Variants in OVOL1 observed in about 807,000 individuals in gnomAD.
The protein encoded by OVOL1 is putative transcription factor Ovo-like 1.
A neutral mutation model predicts 21.5 loss-of-function variants in OVOL1; 10 were observed. The ratio of observed to expected loss-of-function variants is 0.46; its 90% CI spans 0.29 to 0.79. The LOEUF (loss-of-function observed/expected upper bound fraction) is 0.79, where lower values mean the gene tolerates loss of function less well. Ranked by LOEUF, OVOL1 falls within the 30% of genes least tolerant of loss-of-function variation. The pLI is 0.10. For synonymous variants in OVOL1, 129 were observed against 150.3 expected (o/e 0.86, Z 1.03); for missense variants, 279 against 362.3 (o/e 0.77, Z 1.87).
At chr11:65,793,286 A>G (rs959645296) in intron 1 of OVOL1, among the ~76,000 whole-genome samples, 10 of 152,144 alleles carry the variant, frequency 6.6e-5, no homozygotes, top group African/African-American at 1.9e-4. Context: ...AAGGGCTGCC[A>G]GGTATCGGTG....
intron 1 of OVOL1, chr11:65,790,068 G>A (rs1235140263): frequency 6.7e-5 from 2 of 29,998 alleles, no homozygotes; most frequent in Non-Finnish European, 1.6e-4. Flanking sequence ...CCCTCCCCTC[G>A]CCTTCCTTTG....
At position 65,795,677 on chromosome 11, in the gene OVOL1, A is replaced by C. The variant is rs1591003693; in HGVS notation, c.*336A>C. The C allele has an allele frequency of 2.6e-6, 1 of 381,836 alleles. No individual in the cohort carries two copies. The highest frequency in any genetic ancestry group is 4.9e-6 in the Non-Finnish European group (1 of 205,382). The allele number at this position is 381,836 out of a possible 1,614,324, so 23.7% of individuals were successfully genotyped here. On this transcript the variant is annotated 3_prime_UTR_variant, in exon 4 of 4. Coordinates refer to ENST00000335987, the MANE Select transcript of OVOL1 (RefSeq NM_004561.4). This position sits in a 1 kb window ranked among gnomAD's most constrained non-coding sequence, Gnocchi z 5.7. The stretch of plus-strand genomic sequence containing the variant: ...TGTGTGCCTGGCAGCAGGACTTCCT[A>C]CCCAGAGGAGGTTCGAGCTAGGATC...
intron 1 of OVOL1, chr11:65,790,398 G>A (rs1036845917): frequency 6.6e-6 from 1 of 152,280 alleles, no homozygotes; most frequent in Non-Finnish European, 1.5e-5. Context: ...CTCGCCTGGT[G>A]GACACTCGAG....
chr11:65,789,219 C>T (rs1240768285), intron 1 of OVOL1: 2 of 321,204 alleles, frequency 6.2e-6, no homozygotes, highest in African/African-American at 4.5e-5. Context: ...TGCCACACTT[C>T]CAGTGGCCAC....
chr11:65,787,254 CT>C lies in OVOL1; in HGVS notation c.-118del. On this transcript the variant is annotated 5_prime_UTR_variant, in exon 1 of 4. Coordinates refer to ENST00000335987, the MANE Select transcript of OVOL1 (RefSeq NM_004561.4). ...GACCTTCCCCGGAACGTGGGGGCGCCTTAGCGACTCCTTCCCTGTTGTGCCC... is the reference window on the plus strand; with the variant it reads ...GACCTTCCCCGGAACGTGGGGGCGCCTAGCGACTCCTTCCCTGTTGTGCCC... 1 of 776,560 alleles carries C rather than the reference CT, an allele frequency of 1.3e-6. No individual in the cohort carries two copies. The allele number at this position is 776,560 out of a possible 1,614,324, so 48.1% of individuals were successfully genotyped here.
At chr11:65,793,994 C>G in intron 1 of OVOL1, 37 bp from the exon 2 acceptor site, 1 of 1,561,682 alleles carries the variant, frequency 6.4e-7, no homozygotes, top group South Asian at 1.1e-5. Flanking sequence ...ACCCTCTCTT[C>G]TCCACCAAGC....
At position 65,795,948 on chromosome 11, in the gene OVOL1, G is replaced by A. The variant is rs1858124627; in HGVS notation, c.*607G>A. 1 of 155,228 alleles carries A rather than the reference G, an allele frequency of 6.4e-6. No individual in the cohort carries two copies. The highest frequency in any genetic ancestry group is 2.0e-4 in the South Asian group (1 of 5,014). 9.6% of individuals were successfully genotyped at this position (155,228 alleles called of 1,614,324 possible). On this transcript the variant is annotated 3_prime_UTR_variant, in exon 4 of 4. Transcript: ENST00000335987. This position sits in a 1 kb window ranked among gnomAD's most constrained non-coding sequence, Gnocchi z 5.7. ...TGTGTGTGTGCACTGCTGTGTGTGT[G>A]TGCACGCACAGGAAGCCTTTCCACA... is the stretch of plus-strand genomic sequence containing the variant.
chr11:65,787,520 G>C (rs913990930), intron 1 of OVOL1, 47 bp downstream of exon 1: 2 of 1,275,270 alleles, frequency 1.6e-6, no homozygotes, highest in Non-Finnish European at 2.1e-6. Flanking sequence ...CGGCGGCGTC[G>C]AGGCTGCGGG....
intron 1 of OVOL1, chr11:65,788,518 T>C: frequency 1.0e-6 from 1 of 985,234 alleles, no homozygotes; most frequent in Non-Finnish European, 1.2e-6. Flanking sequence ...TGACCCTTGA[T>C]CTGCAGACTC....
Position 65,797,041 on chromosome 11 carries a change from G to A in OVOL1, c.*1700G>A, listed in dbSNP as rs758119521. The stretch of plus-strand genomic sequence containing the variant: ...TTTCACTTGACTTTAGAGTGTCTGG[G>A]ACGCTGCTGTATTCTGAAAGTCACA... On this transcript the variant is annotated 3_prime_UTR_variant, in exon 4 of 4. Coordinates refer to ENST00000335987, the MANE Select transcript of OVOL1 (RefSeq NM_004561.4). 15 of 152,314 alleles carry A rather than the reference G, an allele frequency of 9.8e-5. No homozygotes were observed. In the East Asian group the frequency reaches 2.3e-3, roughly 24 times the overall value. 9.4% of individuals were successfully genotyped at this position (152,314 alleles called of 1,614,324 possible).
intron 1 of OVOL1, among the ~76,000 whole-genome samples, chr11:65,793,291 T>TCGGTGCTGC (rs1191411337): frequency 6.6e-6 from 1 of 152,172 alleles, no homozygotes; most frequent in Admixed American, 6.5e-5. Flanking sequence ...CTGCCAGGTA[T>TCGGTGCTGC]CGGTGCTGCC....
intron 1 of OVOL1, 142 bp from the exon 2 acceptor site, chr11:65,793,889 G>A: frequency 1.5e-6 from 1 of 651,852 alleles, no homozygotes. Context: ...TGGTGGTCGG[G>A]GCAGCCCCGC....
intron 1 of OVOL1, chr11:65,788,938 C>A: frequency 3.0e-6 from 3 of 986,600 alleles, no homozygotes; most frequent in Non-Finnish European, 3.6e-6. Context: ...GGTGGGGGCA[C>A]GCAGAGGGCC....
intron 1 of OVOL1, chr11:65,788,989 C>G: frequency 2.0e-6 from 2 of 985,502 alleles, no homozygotes; most frequent in South Asian, 9.4e-5. Flanking sequence ...TCCACCCTCA[C>G]CTGTGTTTGA....
intron 1 of OVOL1, 58 bp from the exon 2 acceptor site, chr11:65,793,972 GA>G (rs1858074004): frequency 6.9e-7 from 1 of 1,448,648 alleles, no homozygotes; most frequent in African/African-American, 1.4e-5. Context: ...GAAGTTTCCA[GA>G]AACCCGCTGG....
Position 65,794,261 on chromosome 11 carries a change from G to C in OVOL1, c.318+13G>C, listed in dbSNP as rs12226258. The C allele has an allele frequency of 5.7e-3, 9,111 of 1,608,026 alleles. 663 individuals are homozygous for C. The East Asian group carries it at 0.17, about 30-fold the overall frequency. ...CACCAAGATGAAGGTAATGCCACTC[G>C]CGCTGTCTCCGAGGGCCGGGGGCGT... On this transcript the variant is annotated intron_variant, in intron 2 of 3. Transcript: ENST00000335987.
rs1858127378 is a variant in OVOL1, at chr11:65,796,101, G to A, written c.*760G>A. The A allele has an allele frequency of 6.5e-6, 1 of 152,678 alleles. No individual in the cohort carries two copies. The highest frequency in any genetic ancestry group is 1.5e-5 in the Non-Finnish European group (1 of 68,096). 9.5% of individuals were successfully genotyped at this position (152,678 alleles called of 1,614,324 possible). A position where few individuals can be genotyped will look rare whatever the true frequency, so the allele number is the denominator to read the frequency against. On this transcript the variant is annotated 3_prime_UTR_variant, in exon 4 of 4. Transcript: ENST00000335987. Reference sequence around the variant, plus strand: ...TGCCAATGGCGATGTTTTTAAGAGTGGGATGGAGCTGGCTTTTCTCCATTC... The same window carrying A: ...TGCCAATGGCGATGTTTTTAAGAGTAGGATGGAGCTGGCTTTTCTCCATTC...
chr11:65,792,038 C>G (rs1025268151), intron 1 of OVOL1, among the ~76,000 whole-genome samples: 1 of 152,304 alleles, frequency 6.6e-6, no homozygotes, highest in African/African-American at 2.4e-5. Context: ...AGCGGGTGGC[C>G]GCCCATCCAG....
intron 1 of OVOL1, among the ~76,000 whole-genome samples, chr11:65,793,239 C>A (rs933767392): frequency 1.3e-5 from 2 of 152,196 alleles, no homozygotes; most frequent in African/African-American, 4.8e-5. Context: ...CCGGCCCGTT[C>A]GGTGTGAGGT....
Sources: gnomAD v4.1 joint callset for allele counts (sites outside exome capture counted in the v4.1 genomes callset) on GRCh38, gnomAD v4.1.1 for gene constraint, Gnocchi (gnomAD v3.1) non-coding constraint, MANE v1.5 for transcripts, NCBI Gene and HGNC (gene_info 2026-07-23, HGNC 2026-07-21) for gene names.